The following CEACAM20 variants were observed in gnomAD, a reference collection of about 807,000 sequenced individuals.
CEACAM20 encodes cell adhesion molecule CEACAM20.
A neutral mutation model predicts 61.2 loss-of-function variants in CEACAM20; 50 were observed. The observed-to-expected ratio is 0.82, with a 90% CI of 0.65 to 1.03. CEACAM20 has a LOEUF of 1.03. CEACAM20 is among the 50% of genes least tolerant of loss of function. The pLI, the probability that CEACAM20 is intolerant of heterozygous loss-of-function variation, is 0.00. For synonymous variants in CEACAM20, 282 were observed against 287.7 expected, an observed-to-expected ratio of 0.98 and a Z score of 0.20; for missense variants, 683 against 736.4, an observed-to-expected ratio of 0.93 and a Z score of 0.84.
chr19:44,528,724 C>G (rs1971613433), intron 1 of CEACAM20, among the ~76,000 whole-genome samples: 1 of 151,784 alleles, frequency 6.6e-6, no homozygotes. Context: ...TGTCTCTGGT[C>G]TCTGTTTATG....
rs150536799 is a variant in CEACAM20 at position 44,514,830 on chromosome 19, T to A, written c.1310-1541A>T. 1.8e-3 allele frequency among the ~76,000 whole-genome samples: 269 copies of A among 152,128 alleles called. 1 individual carries two copies. The highest frequency in any genetic ancestry group is 6.1e-3 in the African/African-American group (255 of 41,506). On this transcript the variant is annotated intron_variant, in intron 6 of 11. Coordinates refer to ENST00000614924, the MANE Select transcript of CEACAM20 (RefSeq NM_001102597.3). ...TCTATAGACTTTTTAAAATTTTTTT[T>A]AAATTTTTAAATTTTAAAATTTAAG...
At chr19:44,510,556 G>GA (rs768078609) in intron 11 of CEACAM20, among the ~76,000 whole-genome samples, 1 of 29,174 alleles carries the variant, frequency 3.4e-5, no homozygotes, top group African/African-American at 1.7e-4. Context: ...AGGAAAGAAA[G>GA]AAAGAAAGAA....
chr19:44,511,280 G>A, intron 10 of CEACAM20, 125 bp from the exon 11 acceptor site: 2 of 1,349,126 alleles, frequency 1.5e-6, no homozygotes. Flanking sequence ...GAGAATCAGA[G>A]GTGGAAGCAG....
intron 9 of CEACAM20, 66 bp from the exon 10 acceptor site, chr19:44,511,738 C>A: frequency 1.3e-6 from 2 of 1,530,834 alleles, no homozygotes; most frequent in Non-Finnish European, 1.8e-6. Flanking sequence ...AAGAGATGCT[C>A]AGAAATAGCT....
intron 1 of CEACAM20, among the ~76,000 whole-genome samples, 159 bp downstream of exon 1, chr19:44,529,297 GTC>G (rs1437852797): frequency 6.7e-6 from 1 of 148,222 alleles, no homozygotes; most frequent in Non-Finnish European, 1.5e-5. Flanking sequence ...CTTTATTTCT[GTC>G]TCTGTCTCTG....
intron 2 of CEACAM20, among the ~76,000 whole-genome samples, chr19:44,524,808 TGG>T (rs1192651546): frequency 2.0e-5 from 3 of 151,878 alleles, no homozygotes; most frequent in Non-Finnish European, 4.4e-5. Context: ...CTCAAACTCC[TGG>T]GCTCAAGTAA....
chr19:44,510,756 G>T (rs1432580601), intron 11 of CEACAM20, among the ~76,000 whole-genome samples: 1 of 152,100 alleles, frequency 6.6e-6, no homozygotes, highest in Non-Finnish European at 1.5e-5. Flanking sequence ...AGAGTGAAGT[G>T]ATATAGAAAT....
intron 3 of CEACAM20, among the ~76,000 whole-genome samples, chr19:44,523,219 G>A (rs181880566): frequency 1.3e-5 from 2 of 151,858 alleles, no homozygotes; most frequent in African/African-American, 2.4e-5. Context: ...AACCAGTCAG[G>A]GCAACATACC....
rs200839672 is a variant in CEACAM20, at chr19:44,522,813, G to A, written c.572C>T (p.Thr191Ile). Reference sequence around the variant, plus strand: ...ATAGGCACAGGGTGGGTGAGACTTTGTTTCCGCTAAGAAGGTCATGCTGGA... The same window carrying A: ...ATAGGCACAGGGTGGGTGAGACTTTATTTCCGCTAAGAAGGTCATGCTGGA... ...EGSSMTFLAE[T>I]KSHPPCAYTW... The change falls in exon 4 of 12, where the codon ACA becomes ATA. Residue 191 changes from threonine (T) to isoleucine (I), a missense_variant. By Grantham distance (89) the Thr-to-Ile change is moderately conservative. Coordinates refer to ENST00000614924, the MANE Select transcript of CEACAM20 (RefSeq NM_001102597.3). 23 of 1,613,300 alleles carry A rather than the reference G, an allele frequency of 1.4e-5. No individual in the cohort carries two copies. The highest frequency in any genetic ancestry group is 3.3e-4 in the Middle Eastern group (2 of 6,084).
At chr19:44,524,436 C>T (rs62116891) in intron 2 of CEACAM20, among the ~76,000 whole-genome samples, 175 bp from the exon 3 acceptor site, 6,808 of 152,170 alleles carry the variant, frequency 0.045, 223 homozygotes, top group Non-Finnish European at 0.065. Flanking sequence ...GTGTCATCTT[C>T]GGCAAGTTAC....
At chr19:44,518,549 C>T (rs930803604) in intron 5 of CEACAM20, among the ~76,000 whole-genome samples, 4 of 151,546 alleles carry the variant, frequency 2.6e-5, no homozygotes, top group Admixed American at 6.6e-5. Context: ...GACCAGCCTA[C>T]GCAACATAGT....
intron 1 of CEACAM20, among the ~76,000 whole-genome samples, chr19:44,526,133 A>T (rs781662909): frequency 1.3e-5 from 2 of 152,148 alleles, no homozygotes; most frequent in African/African-American, 4.8e-5. Context: ...TTGGTGAAAA[A>T]TATTAACTTT....
intron 1 of CEACAM20, among the ~76,000 whole-genome samples, chr19:44,526,533 G>C (rs1373961585): frequency 6.7e-6 from 1 of 149,500 alleles, no homozygotes; most frequent in African/African-American, 2.5e-5. Context: ...ACAAAAAAAT[G>C]AGTTCCCAGT....
At chr19:44,525,444 TTTTG>T (rs1420676290) in intron 1 of CEACAM20, among the ~76,000 whole-genome samples, 200 bp from the exon 2 acceptor site, 2 of 151,764 alleles carry the variant, frequency 1.3e-5, no homozygotes, top group Non-Finnish European at 2.9e-5. Flanking sequence ...GTGTATGTGT[TTTTG>T]TTTTTGTTTT....
rs368515417 is a variant in CEACAM20 at position 44,512,890 on chromosome 19, C to T, written c.1491G>A (p.Glu497=). 3.1e-6 allele frequency: 5 copies of T among 1,613,624 alleles called. No individual in the cohort carries two copies. In the South Asian group the frequency reaches 3.3e-5, roughly 11 times the overall value. The change falls in exon 8 of 12, where the codon GAG becomes GAA. Residue 497 remains glutamate, a synonymous_variant. Transcript: ENST00000614924. Reference sequence around the variant, plus strand: ...TACCGGAACTGGGCTCTGTGGGGTGCTCCTCCTTCGGGATGGGTTGTGAGG... The same window carrying T: ...TACCGGAACTGGGCTCTGTGGGGTGTTCCTCCTTCGGGATGGGTTGTGAGG... ...HETSQPIPKE[E]HPTEPSSESL...
At chr19:44,523,477 AC>A (rs1210441475) in intron 3 of CEACAM20, among the ~76,000 whole-genome samples, 2 of 152,054 alleles carry the variant, frequency 1.3e-5, no homozygotes, top group East Asian at 3.9e-4. Flanking sequence ...CTCTTTGCTC[AC>A]CCCTATCCAG....
At chr19:44,527,751 G>C (rs1277297731) in intron 1 of CEACAM20, among the ~76,000 whole-genome samples, 2 of 152,252 alleles carry the variant, frequency 1.3e-5, no homozygotes, top group African/African-American at 4.8e-5. Context: ...CGCCGGCCCA[G>C]AGAAGGAGAA....
At chr19:44,516,108 C>T (rs1971145954) in intron 6 of CEACAM20, among the ~76,000 whole-genome samples, 1 of 152,160 alleles carries the variant, frequency 6.6e-6, no homozygotes, top group South Asian at 2.1e-4. Context: ...TCCAAGGTCA[C>T]ACAGCTAACA....
intron 11 of CEACAM20, among the ~76,000 whole-genome samples, chr19:44,509,369 AAAC>A (rs1970907555): frequency 6.7e-6 from 1 of 148,346 alleles, no homozygotes; most frequent in Non-Finnish European, 1.5e-5. Context: ...ATTAAAAAAA[AAAC>A]AGAAAAGGGG....
Sources: gnomAD v4.1 joint callset for allele counts (sites outside exome capture counted in the v4.1 genomes callset) on GRCh38, gnomAD v4.1.1 for gene constraint, MANE v1.5 for transcripts, NCBI Gene and HGNC (gene_info 2026-07-23, HGNC 2026-07-21) for gene names.